Variants in CDKAL1 observed in about 807,000 individuals in gnomAD.
The protein encoded by CDKAL1 is CDKAL1 threonylcarbamoyladenosine tRNA methylthiotransferase, also known as threonylcarbamoyladenosine tRNA methylthiotransferase.
In CDKAL1, 32 loss-of-function variants were observed where a neutral mutation model predicts 68.2. The ratio of observed to expected loss-of-function variants is 0.47; its 90% CI spans 0.35 to 0.63. The LOEUF is 0.63. Among genes scored for constraint, CDKAL1 ranks in the 30% least tolerant of loss-of-function variants. The pLI, the probability that CDKAL1 is intolerant of heterozygous loss-of-function variation, is 0.00. For synonymous variants in CDKAL1, 234 were observed against 244.3 expected, an observed-to-expected ratio of 0.96 and a Z score of 0.39; for missense variants, 606 against 696.7, an observed-to-expected ratio of 0.87 and a Z score of 1.47.
At chr6:21,182,243 A>T (rs1414657825) in intron 13 of CDKAL1, among the ~76,000 whole-genome samples, 1 of 152,236 alleles carries the variant, frequency 6.6e-6, no homozygotes, top group East Asian at 1.9e-4. Flanking sequence ...ATTTTTGAGA[A>T]AAATGCCATT....
intron 4 of CDKAL1, among the ~76,000 whole-genome samples, chr6:20,627,796 G>A (rs951416660): frequency 6.6e-6 from 1 of 152,100 alleles, no homozygotes; most frequent in African/African-American, 2.4e-5. Flanking sequence ...TGTAGATCCT[G>A]TGTATGTTTT....
intron 5 of CDKAL1, among the ~76,000 whole-genome samples, chr6:20,702,501 A>T (rs1016309980): frequency 2.6e-5 from 4 of 152,136 alleles, no homozygotes; most frequent in Admixed American, 2.0e-4. Flanking sequence ...CTTTCAGCAG[A>T]TGGGGGAGCC....
chr6:20,828,034 G>A (rs1363564935), intron 8 of CDKAL1, among the ~76,000 whole-genome samples: 3 of 152,038 alleles, frequency 2.0e-5, no homozygotes, highest in Non-Finnish European at 4.4e-5. Context: ...TGAAAACAGT[G>A]ATGAAATACA....
At chr6:20,819,644 T>G (rs892636097) in intron 8 of CDKAL1, among the ~76,000 whole-genome samples, 6 of 152,180 alleles carry the variant, frequency 3.9e-5, no homozygotes, top group African/African-American at 1.4e-4. Context: ...CACATTTATC[T>G]TGTGCTATAT....
chr6:20,716,806 T>G (rs1328337142), intron 5 of CDKAL1, among the ~76,000 whole-genome samples: 1 of 124,852 alleles, frequency 8.0e-6, no homozygotes, highest in Non-Finnish European at 1.6e-5. Flanking sequence ...CATATAAATT[T>G]GGGAATCATG....
intron 9 of CDKAL1, among the ~76,000 whole-genome samples, chr6:20,915,468 C>G (rs1480795467): frequency 6.6e-6 from 1 of 152,172 alleles, no homozygotes; most frequent in Non-Finnish European, 1.5e-5. Flanking sequence ...GAACTTTAGT[C>G]TTTTATCTTA....
intron 5 of CDKAL1, among the ~76,000 whole-genome samples, chr6:20,726,918 G>A (rs1772682050): frequency 6.6e-6 from 1 of 152,150 alleles, no homozygotes; most frequent in Non-Finnish European, 1.5e-5. Flanking sequence ...ATCAAAAGGT[G>A]AACAAAAGCA....
At chr6:21,077,937 A>G (rs940846357) in intron 12 of CDKAL1, among the ~76,000 whole-genome samples, 1 of 152,204 alleles carries the variant, frequency 6.6e-6, no homozygotes, top group Non-Finnish European at 1.5e-5. Context: ...GGTCCCAGTT[A>G]GAGGAGATGT....
chr6:20,629,287 T>C (rs983055741), intron 4 of CDKAL1, among the ~76,000 whole-genome samples: 3 of 152,196 alleles, frequency 2.0e-5, no homozygotes, highest in Admixed American at 6.5e-5. Context: ...TGATGCTTTT[T>C]TTCTCTCTCA....
intron 7 of CDKAL1, chr6:20,772,694 A>T (rs1774997157): frequency 6.6e-6 from 1 of 152,182 alleles, no homozygotes; most frequent in Non-Finnish European, 1.5e-5. Context: ...TCATCTTTCC[A>T]TGTTCTCTTC....
intron 13 of CDKAL1, among the ~76,000 whole-genome samples, chr6:21,117,503 T>C (rs72838006): frequency 1.5e-4 from 22 of 150,012 alleles, no homozygotes; most frequent in Non-Finnish European, 2.2e-4. Context: ...ATCAGCTGGG[T>C]GTGGTGGTGG....
chr6:20,701,962 G>A (rs1431204714), intron 5 of CDKAL1, among the ~76,000 whole-genome samples: 2 of 152,178 alleles, frequency 1.3e-5, no homozygotes, highest in African/African-American at 4.8e-5. Flanking sequence ...ATGCCGTGGT[G>A]GGAGAGGCTG....
chr6:20,943,909 A>AG (rs1764110552), intron 9 of CDKAL1, among the ~76,000 whole-genome samples: 1 of 152,100 alleles, frequency 6.6e-6, no homozygotes, highest in African/African-American at 2.4e-5. Flanking sequence ...CAAAATAGTG[A>AG]GGTTCTGTCT....
rs937834168 is a variant in CDKAL1, at chr6:20,636,345, C to T, written c.287-12948C>T. Among the ~76,000 whole-genome samples the T allele has an allele frequency of 1.8e-4, 27 of 152,146 alleles. 1 individual carries two copies. The highest frequency in any genetic ancestry group is 6.5e-5 in the Admixed American group (1 of 15,282). ...CTTGGATCTTCTATTGCCATGTAAC[C>T]ACATTTCTCTGTTAATTTGTATCTG... is the stretch of plus-strand genomic sequence containing the variant. On this transcript the variant is annotated intron_variant, in intron 4 of 15. Transcript: ENST00000274695.
At chr6:21,090,806 T>TA (rs11433815) in intron 12 of CDKAL1, among the ~76,000 whole-genome samples, 1 of 21,716 alleles carries the variant, frequency 4.6e-5, no homozygotes, top group Non-Finnish European at 9.5e-5. Context: ...TTCTTTTTTC[T>TA]TTTTTTTTTT....
intron 8 of CDKAL1, among the ~76,000 whole-genome samples, chr6:20,834,983 C>G (rs1325725530): frequency 6.6e-6 from 1 of 152,116 alleles, no homozygotes; most frequent in Non-Finnish European, 1.5e-5. Flanking sequence ...TATTGACACA[C>G]TGTGTAGTGT....
chr6:21,205,592 C>A (rs56348128), intron 15 of CDKAL1, among the ~76,000 whole-genome samples: 5 of 148,192 alleles, frequency 3.4e-5, no homozygotes, highest in African/African-American at 1.2e-4. Flanking sequence ...GTGCAGTGGC[C>A]TGATCTCGGC....
At chr6:20,616,139 T>C (rs1180909018) in intron 4 of CDKAL1, among the ~76,000 whole-genome samples, 1 of 150,822 alleles carries the variant, frequency 6.6e-6, no homozygotes, top group South Asian at 2.1e-4. Context: ...CATTGATCTA[T>C]ATCTCTGTTT....
At chr6:20,959,992 C>G (rs1453866672) in intron 10 of CDKAL1, among the ~76,000 whole-genome samples, 3 of 152,164 alleles carry the variant, frequency 2.0e-5, no homozygotes, top group African/African-American at 7.2e-5. Flanking sequence ...GAAATCACTG[C>G]TAACTGATAA....
Sources: allele counts gnomAD v4.1 joint callset (sites outside exome capture counted in the v4.1 genomes callset), GRCh38; gene constraint gnomAD v4.1.1; transcripts MANE v1.5; gene names NCBI Gene and HGNC (gene_info 2026-07-23, HGNC 2026-07-21).